The following SLC39A8 variants were observed in gnomAD, a reference collection of about 807,000 sequenced individuals.
SLC39A8 encodes the protein solute carrier family 39 member 8.
In SLC39A8, 15 loss-of-function variants were observed where a neutral mutation model predicts 40.4. The ratio of observed to expected loss-of-function variants is 0.37; its 90% CI spans 0.25 to 0.57. SLC39A8 has a LOEUF of 0.57. Among genes scored for constraint, SLC39A8 ranks in the 20% least tolerant of loss-of-function variants. The pLI is 0.75. For synonymous variants in SLC39A8, 223 were observed against 221.6 expected, an observed-to-expected ratio of 1.01 and a Z score of -0.06; for missense variants, 472 against 558.8, an observed-to-expected ratio of 0.84 and a Z score of 1.57.
downstream of SLC39A8, among the ~76,000 whole-genome samples, chr4:102,258,082 T>C (rs1040825941): frequency 1.3e-5 from 2 of 151,888 alleles, no homozygotes; most frequent in Non-Finnish European, 2.9e-5. Context: ...TTACACAGGT[T>C]TGTTGTAAGT....
chr4:102,314,812 GTTGT>G (rs1337350927), intron 3 of SLC39A8, among the ~76,000 whole-genome samples: 1 of 152,064 alleles, frequency 6.6e-6, no homozygotes, highest in Non-Finnish European at 1.5e-5. Context: ...CTGAAACTAT[GTTGT>G]TTATTTGCTT....
At chr4:102,259,612 A>ATTTC, downstream of SLC39A8, 1 of 921,774 alleles carries the variant, frequency 1.1e-6, no homozygotes, top group Non-Finnish European at 1.6e-6. Context: ...GCCATGGCTT[A>ATTTC]TTTCTATACC....
intron 6 of SLC39A8, among the ~76,000 whole-genome samples, chr4:102,286,110 CTT>C (rs149059039): frequency 0.019 from 2,817 of 152,224 alleles, 43 homozygotes; most frequent in Non-Finnish European, 0.03. Context: ...ATAAGGCAAT[CTT>C]TTAAAAAGCT....
intron 6 of SLC39A8, among the ~76,000 whole-genome samples, chr4:102,274,083 T>C (rs233834): frequency 0.62 from 94,629 of 151,916 alleles, 30,003 homozygotes; most frequent in Middle Eastern, 0.73. Context: ...GGGAACAAAA[T>C]CAGACGGAGA....
chr4:102,271,255 G>A (rs577404993), intron 6 of SLC39A8, among the ~76,000 whole-genome samples: 1 of 151,966 alleles, frequency 6.6e-6, no homozygotes, highest in Admixed American at 6.6e-5. Context: ...CAAAGGAGGA[G>A]GTGAAGAATA....
rs779725907 is a variant in SLC39A8, at chr4:102,307,475, C to A, written c.513G>T (p.Gly171=). 2 of 1,613,410 alleles carry A rather than the reference C, an allele frequency of 1.2e-6. No individual in the cohort carries two copies. Among genetic ancestry groups the A allele is most frequent in the Non-Finnish European group, 1.7e-6 (2 of 1,179,604 alleles). ...GGAAAATTGCATTTGAAAAAAGAGT[C>A]CCAATAGCCAGCCCCACAAAAAAGG... is the stretch of plus-strand genomic sequence containing the variant. ...ILTFFVGLAI[G]TLFSNAIFQL... Residue 171 remains glycine (G), a synonymous_variant, in exon 4 of 9, where the codon GGG becomes GGT. Coordinates refer to ENST00000356736, the MANE Select transcript of SLC39A8 (RefSeq NM_001135146.2).
chr4:102,340,630 T>C (rs1402530031), intron 2 of SLC39A8, among the ~76,000 whole-genome samples: 1 of 152,226 alleles, frequency 6.6e-6, no homozygotes, highest in Non-Finnish European at 1.5e-5. Context: ...AGTCACTGAA[T>C]TGTTTAACAG....
chr4:102,328,815 G>A (rs1419982321), intron 2 of SLC39A8, among the ~76,000 whole-genome samples: 1 of 152,074 alleles, frequency 6.6e-6, no homozygotes, highest in African/African-American at 2.4e-5. Flanking sequence ...CACGAGGTCA[G>A]GAGATCGAGA....
chr4:102,278,207 G>A, intron 6 of SLC39A8, among the ~76,000 whole-genome samples: 1 of 152,172 alleles, frequency 6.6e-6, no homozygotes, highest in Admixed American at 6.5e-5. Context: ...GCAACCTACA[G>A]AATGGGAGAA....
intron 6 of SLC39A8, among the ~76,000 whole-genome samples, chr4:102,298,965 A>C (rs1312886839): frequency 3.3e-5 from 5 of 152,034 alleles, no homozygotes; most frequent in Admixed American, 6.6e-5. Context: ...CTTCCTCCCA[A>C]GCCAATGTGG....
At chr4:102,327,542 ACCC>A (rs772339538) in intron 2 of SLC39A8, among the ~76,000 whole-genome samples, 4 of 152,184 alleles carry the variant, frequency 2.6e-5, no homozygotes, top group Non-Finnish European at 5.9e-5. Context: ...ATATTGCTAT[ACCC>A]ATCCCTTCTC....
At chr4:102,256,264 G>C (rs1731706574) in intron 11 of SLC39A8, among the ~76,000 whole-genome samples, 1 of 152,144 alleles carries the variant, frequency 6.6e-6, no homozygotes, top group Non-Finnish European at 1.5e-5. Context: ...GATATTCCAC[G>C]TAGCACTTCA....
intron 2 of SLC39A8, among the ~76,000 whole-genome samples, chr4:102,320,261 A>T (rs1364640733): frequency 1.5e-5 from 2 of 137,166 alleles, no homozygotes; most frequent in Non-Finnish European, 3.1e-5. Context: ...ATATGAGTAT[A>T]TATATGAGAA....
At chr4:102,254,506 A>G (rs1278492082) in intron 11 of SLC39A8, among the ~76,000 whole-genome samples, 1 of 152,254 alleles carries the variant, frequency 6.6e-6, no homozygotes, top group Non-Finnish European at 1.5e-5. Flanking sequence ...ATTTGGAAGA[A>G]AGTGAAATAT....
intron 8 of SLC39A8, 60 bp from the exon 9 acceptor site, chr4:102,263,253 T>C: frequency 6.9e-7 from 1 of 1,458,088 alleles, no homozygotes; most frequent in Non-Finnish European, 9.6e-7. Context: ...CACAAAACAG[T>C]CACTTAGAGG....
intron 2 of SLC39A8, among the ~76,000 whole-genome samples, chr4:102,320,193 A>ATATATATATATG (rs1734857772): frequency 7.6e-6 from 1 of 131,836 alleles, no homozygotes; most frequent in African/African-American, 2.9e-5. Flanking sequence ...ATATATATGT[A>ATATATATATATG]TATATATATG....
intron 3 of SLC39A8, among the ~76,000 whole-genome samples, chr4:102,311,611 G>A (rs1734429310): frequency 6.6e-6 from 1 of 151,894 alleles, no homozygotes. Flanking sequence ...AAAAAGTGAG[G>A]CAATTTCAGA....
intron 2 of SLC39A8, among the ~76,000 whole-genome samples, chr4:102,340,366 G>A (rs1735890254): frequency 6.6e-6 from 1 of 152,150 alleles, no homozygotes; most frequent in Non-Finnish European, 1.5e-5. Flanking sequence ...TGTTATAATT[G>A]CACAAGCACC....
chr4:102,283,737 C>A (rs1385796444), intron 6 of SLC39A8, among the ~76,000 whole-genome samples: 1 of 152,158 alleles, frequency 6.6e-6, no homozygotes, highest in Admixed American at 6.5e-5. Context: ...GAGCCAATGT[C>A]TTGTATTATT....
Sources: allele counts gnomAD v4.1 joint callset (sites outside exome capture counted in the v4.1 genomes callset), GRCh38; gene constraint gnomAD v4.1.1; transcripts MANE v1.5; gene names NCBI Gene and HGNC (gene_info 2026-07-23, HGNC 2026-07-21).